Variants in RAPGEF2 observed in about 807,000 individuals in gnomAD.
The protein encoded by RAPGEF2 is Rap guanine nucleotide exchange factor 2.
RAPGEF2 carries 54 observed loss-of-function variants against 186.7 expected under a neutral mutation model. That is an observed-to-expected ratio of 0.29 (90% confidence interval 0.23 to 0.36). The LOEUF (loss-of-function observed/expected upper bound fraction) is 0.36, where lower values mean the gene tolerates loss of function less well. Among genes scored for constraint, RAPGEF2 ranks in the 10% least tolerant of loss-of-function variants. The pLI, the probability that RAPGEF2 is intolerant of heterozygous loss-of-function variation, is 1.00. For synonymous variants in RAPGEF2, 712 were observed against 705.9 expected, an observed-to-expected ratio of 1.01 and a Z score of -0.14; for missense variants, 1,532 against 2,045.0, an observed-to-expected ratio of 0.75 and a Z score of 4.84.
rs1732532113 is a variant in RAPGEF2 at position 159,359,836 on chromosome 4, C to G, written c.*1697C>G. 6.6e-6 allele frequency: 1 copy of G among 152,168 alleles called. No homozygotes were observed. Among genetic ancestry groups the G allele is most frequent in the Admixed American group, 6.5e-5 (1 of 15,274 alleles). The allele number at this position is 152,168 out of a possible 1,614,324, so 9.4% of individuals were successfully genotyped here. ...CATGTGCATATAGAAAGACAGAAAT[C>G]TAGCTCTACCACAAGTTGCACAAAT... On this transcript the variant is annotated 3_prime_UTR_variant, in exon 30 of 30. Coordinates refer to ENST00000691494, the MANE Select transcript of RAPGEF2 (RefSeq NM_001394067.2).
Position 159,104,553 on chromosome 4 carries a change from A to AGAGT in RAPGEF2, c.69+323_69+324insAGTG, listed in dbSNP as rs1553991869. Among the ~76,000 whole-genome samples, 1,355 of 136,008 alleles carry AGAGT rather than the reference A, an allele frequency of 1.0e-2. 60 individuals are homozygous for AGAGT. Among genetic ancestry groups the AGAGT allele is most frequent in the African/African-American group, 0.036 (1,238 of 34,154 alleles). 89.2% of individuals were successfully genotyped at this position (136,008 alleles called of 152,430 possible). ...GAGAGACAGAGAGAGAGAGAGAGAG[A>AGAGT]GTGTGTGTGTGTGTGTGTATGTGTG... On this transcript the variant is annotated intron_variant, in intron 1 of 29. Coordinates refer to ENST00000691494, the MANE Select transcript of RAPGEF2 (RefSeq NM_001394067.2).
intron 4 of RAPGEF2, among the ~76,000 whole-genome samples, chr4:159,214,573 A>G (rs1272729646): frequency 3.3e-5 from 5 of 152,216 alleles, no homozygotes; most frequent in African/African-American, 1.2e-4. Context: ...AATTTTGTCT[A>G]AAATTACCCC....
intron 1 of RAPGEF2, among the ~76,000 whole-genome samples, chr4:159,128,256 T>C (rs986187352): frequency 6.6e-6 from 1 of 152,176 alleles, no homozygotes; most frequent in Non-Finnish European, 1.5e-5. Flanking sequence ...TGAGGAAGAC[T>C]AGCTGGAAGA....
chr4:159,241,484 A>C, intron 6 of RAPGEF2, 116 bp downstream of exon 6: 1 of 390,266 alleles, frequency 2.6e-6, no homozygotes. Context: ...ATATATACAC[A>C]CACATTAAGT....
chr4:159,178,620 C>T (rs1475010638), intron 1 of RAPGEF2, among the ~76,000 whole-genome samples: 3 of 134,698 alleles, frequency 2.2e-5, no homozygotes, highest in African/African-American at 8.8e-5. Flanking sequence ...TGCTGCCGCG[C>T]GATTTTAGCT....
chr4:159,323,426 A>T (rs1293151512), intron 10 of RAPGEF2, 33 bp from the exon 11 acceptor site: 4 of 1,539,658 alleles, frequency 2.6e-6, no homozygotes, highest in Non-Finnish European at 3.5e-6. Flanking sequence ...TCATGATGTT[A>T]CTTTCTGCTT....
intron 1 of RAPGEF2, among the ~76,000 whole-genome samples, chr4:159,123,560 A>G (rs1200133483): frequency 6.5e-5 from 9 of 137,772 alleles, no homozygotes; most frequent in Admixed American, 2.2e-4. Flanking sequence ...TTTTTTTGAG[A>G]TGGAGTCTTG....
chr4:159,159,280 C>T (rs1370500744), intron 1 of RAPGEF2, among the ~76,000 whole-genome samples: 3 of 152,186 alleles, frequency 2.0e-5, no homozygotes, highest in African/African-American at 7.2e-5. Flanking sequence ...TCAGATTCCA[C>T]TGTTAGGCAA....
At chr4:159,255,864 A>C (rs918149786) in intron 7 of RAPGEF2, among the ~76,000 whole-genome samples, 1 of 152,184 alleles carries the variant, frequency 6.6e-6, no homozygotes, top group Non-Finnish European at 1.5e-5. Flanking sequence ...TTTGTCGAAC[A>C]GATTTTAAGT....
At chr4:159,247,755 C>CTTTTTTTT (rs56053207) in intron 7 of RAPGEF2, among the ~76,000 whole-genome samples, 4 of 83,474 alleles carry the variant, frequency 4.8e-5, no homozygotes, top group South Asian at 4.9e-4. Flanking sequence ...TAATTTGTTT[C>CTTTTTTTT]TTTTTTTTTT....
At chr4:159,190,083 A>G (rs990302991) in intron 2 of RAPGEF2, among the ~76,000 whole-genome samples, 1 of 152,176 alleles carries the variant, frequency 6.6e-6, no homozygotes, top group Non-Finnish European at 1.5e-5. Flanking sequence ...AGATTTCTTC[A>G]GTGTAGAGGT....
At chr4:159,274,907 A>G (rs912591830) in intron 7 of RAPGEF2, among the ~76,000 whole-genome samples, 9 of 152,196 alleles carry the variant, frequency 5.9e-5, no homozygotes, top group African/African-American at 2.2e-4. Flanking sequence ...AAGCTCACCA[A>G]TGGTCCCTGC....
chr4:159,198,814 C>G (rs1258806780), intron 3 of RAPGEF2, among the ~76,000 whole-genome samples: 1 of 151,864 alleles, frequency 6.6e-6, no homozygotes, highest in African/African-American at 2.4e-5. Context: ...TTTTATTATG[C>G]TTATGTGTGT....
At chr4:159,207,758 C>G (rs1023823418) in intron 3 of RAPGEF2, among the ~76,000 whole-genome samples, 5 of 152,124 alleles carry the variant, frequency 3.3e-5, no homozygotes, top group Admixed American at 2.6e-4. Context: ...AAAAAGTTTA[C>G]AGAGTATTTT....
Position 159,304,426 on chromosome 4 carries a change from A to C in RAPGEF2, c.628A>C (p.Ser210Arg), listed in dbSNP as rs1380895407. 6.2e-7 allele frequency: 1 copy of C among 1,603,078 alleles called. No homozygotes were observed. The highest frequency in any genetic ancestry group is 8.5e-7 in the Non-Finnish European group (1 of 1,170,378). The stretch of plus-strand genomic sequence containing the variant: ...CGTTTCTTCTAGCCATTCAGGATGT[A>C]GTATCACTAGTGATTCTGGGAGCAG... ...THVSSSHSGC[S>R]ITSDSGSSSL... Residue 210 changes from serine (S) to arginine (R), a missense_variant, in exon 8 of 30, where the codon AGT becomes CGT. Around this residue, in one of 4 missense-constraint regions of RAPGEF2, gnomAD observed 810 missense variants for 1,210.5 expected, o/e 0.67. Transcript: ENST00000691494.
intron 7 of RAPGEF2, among the ~76,000 whole-genome samples, chr4:159,278,850 C>T (rs1012918997): frequency 6.6e-6 from 1 of 152,066 alleles, no homozygotes. Flanking sequence ...AATACACAAC[C>T]CATAAATACA....
chr4:159,303,490 A>G lies in RAPGEF2; in HGVS notation c.544-852A>G, dbSNP rs142354289. ...AGTATAATGTGTGATATTATAGACAAATATAATGTCTTTTTTTATTCAAAA... is the reference window on the plus strand; with the variant it reads ...AGTATAATGTGTGATATTATAGACAGATATAATGTCTTTTTTTATTCAAAA... On this transcript the variant is annotated intron_variant, in intron 7 of 29. Transcript: ENST00000691494. Among the ~76,000 whole-genome samples, 467 of 152,236 alleles carry G rather than the reference A, an allele frequency of 3.1e-3. 1 individual carries two copies. The highest frequency in any genetic ancestry group is 0.01 in the African/African-American group (433 of 41,564).
chr4:159,159,441 C>A (rs1299107900), intron 1 of RAPGEF2, among the ~76,000 whole-genome samples: 2 of 137,176 alleles, frequency 1.5e-5, no homozygotes, highest in East Asian at 4.1e-4. Context: ...CAAGAAAATT[C>A]TTTTATTTTG....
At chr4:159,227,512 T>TATAC (rs1167360735) in intron 4 of RAPGEF2, among the ~76,000 whole-genome samples, 2 of 152,244 alleles carry the variant, frequency 1.3e-5, no homozygotes, top group African/African-American at 4.8e-5. Context: ...CCATAACTTT[T>TATAC]ATACAAACTG....
Sources: gnomAD v4.1 joint callset for allele counts (sites outside exome capture counted in the v4.1 genomes callset) on GRCh38, gnomAD v4.1.1 for gene constraint, gnomAD v4.1.1 regional missense constraint, MANE v1.5 for transcripts, NCBI Gene and HGNC (gene_info 2026-07-23, HGNC 2026-07-21) for gene names.